The following EDC3 variants were observed in gnomAD, a reference collection of about 807,000 sequenced individuals.
EDC3 encodes the protein enhancer of mRNA decapping 3.
In EDC3, 20 loss-of-function variants were observed where a neutral mutation model predicts 41.8. The observed-to-expected ratio is 0.48, with a 90% CI of 0.34 to 0.70. The LOEUF (loss-of-function observed/expected upper bound fraction) is 0.70. Ranked by LOEUF, EDC3 falls within the 30% of genes least tolerant of loss-of-function variation. The pLI, the probability that EDC3 is intolerant of heterozygous loss-of-function variation, is 0.01. For missense variants in EDC3, 444 were observed against 636.8 expected (o/e 0.70, Z 3.26); for synonymous variants, 206 against 243.2 (o/e 0.85, Z 1.42).
At chr15:74,652,146 A>T (rs1020486233) in intron 4 of EDC3, among the ~76,000 whole-genome samples, 5 of 152,240 alleles carry the variant, frequency 3.3e-5, no homozygotes, top group Admixed American at 1.3e-4. Flanking sequence ...CTAGAATCAA[A>T]AAATGATAAG....
chr15:74,659,487 A>AATATATATATATAT lies in EDC3; in HGVS notation c.485-3433_485-3420dup, dbSNP rs10601683. 1.9e-3 allele frequency among the ~76,000 whole-genome samples: 272 copies of AATATATATATATAT among 142,128 alleles called. 1 individual carries two copies. Among genetic ancestry groups the AATATATATATATAT allele is most frequent in the African/African-American group, 6.8e-3 (259 of 37,984 alleles). The allele number at this position is 142,128 out of a possible 152,430, so 93.2% of individuals were successfully genotyped here. A position where few individuals can be genotyped will look rare whatever the true frequency, so the allele number is the denominator to read the frequency against. On this transcript the variant is annotated intron_variant, in intron 3 of 6. Transcript: ENST00000315127. ...AAAAAATAAATAAATAAAAAATAGA[A>AATATATATATATAT]ATATATATATATATATATATATATA...
At chr15:74,695,316 T>G (rs2063052788) in intron 1 of EDC3, 1 of 152,226 alleles carries the variant, frequency 6.6e-6, no homozygotes, top group African/African-American at 2.4e-5. Context: ...AGTCAAGTAT[T>G]GATACATACA....
chr15:74,653,187 C>CAA (rs57778832), intron 4 of EDC3, among the ~76,000 whole-genome samples: 22 of 99,612 alleles, frequency 2.2e-4, no homozygotes, highest in South Asian at 3.2e-4. Flanking sequence ...ACTCTGTCTC[C>CAA]AAAAAAAAAA....
At chr15:74,666,683 CA>C (rs922253241) in intron 3 of EDC3, among the ~76,000 whole-genome samples, 5 of 151,878 alleles carry the variant, frequency 3.3e-5, no homozygotes, top group African/African-American at 9.7e-5. Context: ...CAGTAGTTGC[CA>C]GGGGGAAGTG....
Position 74,671,335 on chromosome 15 carries a change from C to T in EDC3, c.484+120G>A, listed in dbSNP as rs2062735300. 5.3e-6 allele frequency: 6 copies of T among 1,135,768 alleles called. No individual in the cohort carries two copies. Among genetic ancestry groups the T allele is most frequent in the South Asian group, 3.1e-5 (2 of 65,548 alleles). The allele number at this position is 1,135,768 out of a possible 1,614,324, so 70.4% of individuals were successfully genotyped here. ...AGAGAACCATGTTGTATTTCTGTGA[C>T]GCTCAGCCAGCATCCATTTTATTGG... On this transcript the variant is annotated intron_variant, in intron 3 of 6. Coordinates refer to ENST00000315127, the MANE Select transcript of EDC3 (RefSeq NM_025083.5). This position sits in a 1 kb window ranked among gnomAD's most constrained non-coding sequence, Gnocchi z 4.6.
At chr15:74,680,682 G>A (rs981878412) in intron 1 of EDC3, among the ~76,000 whole-genome samples, 1 of 152,016 alleles carries the variant, frequency 6.6e-6, no homozygotes. Context: ...GTTTGTAAAG[G>A]AAAAAACAAA....
chr15:74,656,589 A>C (rs2062551429), intron 3 of EDC3, among the ~76,000 whole-genome samples: 1 of 152,238 alleles, frequency 6.6e-6, no homozygotes, highest in Admixed American at 6.5e-5. Flanking sequence ...CAAGAGGAAG[A>C]GTAAGAATAT....
At chr15:74,694,544 G>T (rs1234803512) in intron 1 of EDC3, among the ~76,000 whole-genome samples, 2 of 152,236 alleles carry the variant, frequency 1.3e-5, no homozygotes, top group African/African-American at 4.8e-5. Context: ...GACCTCAGGT[G>T]ATCCACCCGC....
intron 3 of EDC3, among the ~76,000 whole-genome samples, chr15:74,664,813 G>A (rs2062659015): frequency 1.3e-5 from 2 of 152,142 alleles, no homozygotes; most frequent in South Asian, 4.1e-4. Flanking sequence ...CAGGTGGTGG[G>A]ATGACTGTTA....
intron 3 of EDC3, among the ~76,000 whole-genome samples, chr15:74,667,655 A>T (rs1032306264): frequency 1.3e-5 from 2 of 152,234 alleles, no homozygotes; most frequent in African/African-American, 4.8e-5. Context: ...ATTGGAGACT[A>T]GCCAAAACTG....
chr15:74,681,800 T>A (rs1276297484), intron 1 of EDC3, among the ~76,000 whole-genome samples: 7 of 152,048 alleles, frequency 4.6e-5, no homozygotes, highest in Admixed American at 2.6e-4. Context: ...TCTAAAACTT[T>A]TAGAAAAAAC....
chr15:74,655,296 C>CT (rs1368845605), intron 4 of EDC3, among the ~76,000 whole-genome samples: 4 of 152,166 alleles, frequency 2.6e-5, no homozygotes, highest in Non-Finnish European at 5.9e-5. Flanking sequence ...TATTAAAACT[C>CT]TATTTTTAGC....
chr15:74,676,511 C>G (rs1429507778), intron 1 of EDC3, among the ~76,000 whole-genome samples: 1 of 152,022 alleles, frequency 6.6e-6, no homozygotes, highest in Non-Finnish European at 1.5e-5. Context: ...TTATTAATAT[C>G]AGAAATGAAC....
chr15:74,649,792 C>T (rs944937549), intron 4 of EDC3, among the ~76,000 whole-genome samples: 2 of 151,676 alleles, frequency 1.3e-5, no homozygotes, highest in East Asian at 1.9e-4. Flanking sequence ...CTCCCTATCC[C>T]TCATTGTAGC....
intron 3 of EDC3, among the ~76,000 whole-genome samples, chr15:74,658,332 C>A (rs1225596716): frequency 6.6e-6 from 1 of 152,050 alleles, no homozygotes; most frequent in Non-Finnish European, 1.5e-5. Flanking sequence ...TCCTTCAACC[C>A]AAAGGACCAA....
At position 74,655,735 on chromosome 15, in the gene EDC3, G is replaced by A. The variant is rs892679695; in HGVS notation, c.818C>T (p.Thr273Met). Residue 273 changes from threonine to methionine, a missense_variant and splice_region_variant, in exon 4 of 7, where the codon ACG becomes ATG. Coordinates refer to ENST00000315127, the MANE Select transcript of EDC3 (RefSeq NM_025083.5). The part of the protein sequence containing the change: ...VPHNVSKEFC[T>M]DSGLVVPSIS... The stretch of plus-strand genomic sequence containing the variant: ...ATGTGGGACCTGATGCAACTCACCC[G>A]TGCAGAACTCCTTGCTCACGTTGTG... The A allele has an allele frequency of 6.8e-6, 11 of 1,607,052 alleles. No individual in the cohort carries two copies. The highest frequency in any genetic ancestry group is 1.1e-5 in the South Asian group (1 of 90,818).
At chr15:74,677,683 T>C (rs1217630266) in intron 1 of EDC3, among the ~76,000 whole-genome samples, 2 of 152,144 alleles carry the variant, frequency 1.3e-5, no homozygotes, top group South Asian at 2.1e-4. Context: ...ATATGCATAT[T>C]AATAAGGTAG....
At chr15:74,693,631 G>A (rs1215388821) in intron 1 of EDC3, among the ~76,000 whole-genome samples, 1 of 152,126 alleles carries the variant, frequency 6.6e-6, no homozygotes, top group African/African-American at 2.4e-5. Flanking sequence ...TCAAACTCAT[G>A]ACTCCATCTA....
chr15:74,669,137 G>A (rs776803307), intron 3 of EDC3, among the ~76,000 whole-genome samples: 9 of 151,958 alleles, frequency 5.9e-5, no homozygotes, highest in Non-Finnish European at 1.2e-4. Context: ...TTGGGAGGCC[G>A]AGAGTTTGAG....
Sources: gnomAD v4.1 joint callset for allele counts (sites outside exome capture counted in the v4.1 genomes callset) on GRCh38, gnomAD v4.1.1 for gene constraint, Gnocchi (gnomAD v3.1) non-coding constraint, MANE v1.5 for transcripts, NCBI Gene and HGNC (gene_info 2026-07-23, HGNC 2026-07-21) for gene names.